Variants in CDH10 observed in about 807,000 individuals in gnomAD.
The protein encoded by CDH10 is cadherin 10.
Under a neutral mutation model 73.1 loss-of-function variants are expected in CDH10, and 30 were observed. The observed-to-expected ratio is 0.41, with a 90% CI of 0.31 to 0.56. CDH10 has a LOEUF of 0.56. CDH10 is among the 20% of genes least tolerant of loss of function. The pLI is 0.27. For synonymous variants in CDH10, 345 were observed against 348.2 expected (o/e 0.99, Z 0.10); for missense variants, 815 against 973.7 (o/e 0.84, Z 2.17).
At chr5:24,553,002 TC>T (rs1257490034) in intron 2 of CDH10, among the ~76,000 whole-genome samples, 6 of 14,658 alleles carry the variant, frequency 4.1e-4, no homozygotes, top group African/African-American at 6.9e-4. Flanking sequence ...CATGTTTTCC[TC>T]TTTTTTTGTG....
intron 5 of CDH10, among the ~76,000 whole-genome samples, chr5:24,532,227 G>A (rs1339624618): frequency 2.6e-5 from 4 of 152,092 alleles, no homozygotes; most frequent in Non-Finnish European, 5.9e-5. Context: ...GAAAGTTTGA[G>A]TTGTGACCTA....
intron 1 of CDH10, among the ~76,000 whole-genome samples, chr5:24,600,876 T>C (rs985733752): frequency 2.0e-5 from 3 of 152,182 alleles, no homozygotes; most frequent in African/African-American, 7.2e-5. Flanking sequence ...CTAGGTCTGA[T>C]ACAATGTGGA....
chr5:24,506,407 A>G (rs577617622), intron 7 of CDH10, among the ~76,000 whole-genome samples: 1 of 152,284 alleles, frequency 6.6e-6, no homozygotes, highest in South Asian at 2.1e-4. Flanking sequence ...TGGAATAATT[A>G]TTTTATTACC....
chr5:24,491,807 T>C lies in CDH10; in HGVS notation c.1645A>G (p.Thr549Ala). 1 of 1,600,186 alleles carries C rather than the reference T, an allele frequency of 6.2e-7. No individual in the cohort carries two copies. Among genetic ancestry groups the C allele is most frequent in the East Asian group, 2.2e-5 (1 of 44,710 alleles). The change falls in exon 11 of 12, where the codon ACC becomes GCC. Residue 549 changes from threonine (T) to alanine (A), a missense_variant. Around this residue, in one of 3 missense-constraint regions of CDH10, gnomAD observed 516 missense variants for 636.6 expected, o/e 0.81. Transcript: ENST00000264463. Reference sequence around the variant, plus strand: ...TGTCTATTGAATCCATTTTTTCTGGTTAAGATTCTGGCAGTATTATCTAAA... The same window carrying C: ...TGTCTATTGAATCCATTTTTTCTGGCTAAGATTCTGGCAGTATTATCTAAA... The part of the protein sequence containing the change: ...DNEDNTARIL[T>A]RKNGFNRHEI...
At chr5:24,535,022 A>G in intron 5 of CDH10, 90 bp downstream of exon 5, 4 of 1,192,558 alleles carry the variant, frequency 3.4e-6, no homozygotes, top group Non-Finnish European at 4.7e-6. Flanking sequence ...AATGAATGAC[A>G]ATTGCTTTTT....
At chr5:24,514,481 T>C (rs1561134406) in intron 5 of CDH10, among the ~76,000 whole-genome samples, 2 of 152,278 alleles carry the variant, frequency 1.3e-5, no homozygotes, top group African/African-American at 2.4e-5. Context: ...TCTTTTAATA[T>C]AGTTCACTAT....
At chr5:24,637,128 A>C (rs868501081) in intron 1 of CDH10, among the ~76,000 whole-genome samples, 1 of 151,968 alleles carries the variant, frequency 6.6e-6, no homozygotes, top group Non-Finnish European at 1.5e-5. Flanking sequence ...CTGGAATATA[A>C]CAAGTCATGT....
intron 2 of CDH10, among the ~76,000 whole-genome samples, chr5:24,542,276 G>C (rs1420320197): frequency 2.0e-5 from 3 of 151,972 alleles, no homozygotes; most frequent in Non-Finnish European, 4.4e-5. Flanking sequence ...GGACAGTGTT[G>C]GTAAAACATT....
chr5:24,515,858 AGAGT>A (rs1231160157), intron 5 of CDH10, among the ~76,000 whole-genome samples: 14 of 152,054 alleles, frequency 9.2e-5, no homozygotes, highest in African/African-American at 2.9e-4. Flanking sequence ...TGTTCTGGTG[AGAGT>A]GAGTAAGTCT....
At chr5:24,633,776 G>T (rs1747779304) in intron 1 of CDH10, among the ~76,000 whole-genome samples, 1 of 151,848 alleles carries the variant, frequency 6.6e-6, no homozygotes, top group Non-Finnish European at 1.5e-5. Context: ...ATTTAAAAAT[G>T]ATTCATTTTC....
intron 1 of CDH10, among the ~76,000 whole-genome samples, chr5:24,609,599 C>T (rs996231730): frequency 6.6e-6 from 1 of 152,158 alleles, no homozygotes; most frequent in Non-Finnish European, 1.5e-5. Context: ...CTGAAAGTGT[C>T]TATCAAAATG....
chr5:24,525,515 T>G (rs563941274), intron 5 of CDH10, among the ~76,000 whole-genome samples: 154 of 152,158 alleles, frequency 1.0e-3, no homozygotes, highest in African/African-American at 3.6e-3. Flanking sequence ...TTAAAAGATG[T>G]TTTTTAATGA....
intron 1 of CDH10, among the ~76,000 whole-genome samples, chr5:24,640,516 A>G (rs909845104): frequency 1.4e-4 from 21 of 150,316 alleles, no homozygotes; most frequent in African/African-American, 4.9e-4. Context: ...AGTATGTTGA[A>G]TCAAGACTAC....
At chr5:24,628,326 A>G (rs902888597) in intron 1 of CDH10, among the ~76,000 whole-genome samples, 2 of 152,192 alleles carry the variant, frequency 1.3e-5, no homozygotes, top group African/African-American at 4.8e-5. Flanking sequence ...AAACCATGAT[A>G]TTTTAAACAT....
At chr5:24,499,789 A>G (rs1742424754) in intron 8 of CDH10, among the ~76,000 whole-genome samples, 1 of 152,156 alleles carries the variant, frequency 6.6e-6, no homozygotes, top group Admixed American at 6.5e-5. Context: ...ACAACCCTGT[A>G]TTGGTTATAA....
intron 11 of CDH10, among the ~76,000 whole-genome samples, chr5:24,490,607 T>C (rs891554176): frequency 1.3e-5 from 2 of 152,220 alleles, no homozygotes; most frequent in African/African-American, 4.8e-5. Context: ...TGGAAACATC[T>C]ATAGAATGAA....
At chr5:24,593,728 T>A in intron 1 of CDH10, 115 bp from the exon 2 acceptor site, 1 of 475,358 alleles carries the variant, frequency 2.1e-6, no homozygotes, top group Non-Finnish European at 3.7e-6. Context: ...ATTCATTTTC[T>A]TTATTTTTCA....
chr5:24,610,561 A>G (rs1006332570), intron 1 of CDH10, among the ~76,000 whole-genome samples: 1 of 152,182 alleles, frequency 6.6e-6, no homozygotes, highest in Non-Finnish European at 1.5e-5. Context: ...GCAATGTTAA[A>G]CTGCTCTACC....
intron 2 of CDH10, among the ~76,000 whole-genome samples, chr5:24,574,632 G>A (rs1382940089): frequency 8.1e-6 from 1 of 123,932 alleles, no homozygotes. Context: ...GAATAATGTG[G>A]ATGTAAAGAA....
Sources: gnomAD v4.1 joint callset for allele counts (sites outside exome capture counted in the v4.1 genomes callset) on GRCh38, gnomAD v4.1.1 for gene constraint, gnomAD v4.1.1 regional missense constraint, MANE v1.5 for transcripts, NCBI Gene and HGNC (gene_info 2026-07-23, HGNC 2026-07-21) for gene names.